Variants in CYP7B1 observed in about 807,000 individuals in gnomAD.
CYP7B1 encodes cytochrome P450 family 7 subfamily B member 1.
In CYP7B1, 29 loss-of-function variants were observed where a neutral mutation model predicts 42.7. That is an observed-to-expected ratio of 0.68 (90% CI 0.51 to 0.93). The LOEUF is 0.93. Among genes scored for constraint, CYP7B1 ranks in the 40% least tolerant of loss-of-function variants. The probability of loss-of-function intolerance (pLI) is 0.00; values close to 1 mark genes in which losing one functional copy is unlikely to be tolerated. For synonymous variants in CYP7B1, 235 were observed against 218.2 expected (o/e 1.08, Z -0.68); for missense variants, 655 against 600.5 (o/e 1.09, Z -0.95).
chr8:64,619,040 C>A (rs1805490524), intron 2 of CYP7B1, among the ~76,000 whole-genome samples: 1 of 152,104 alleles, frequency 6.6e-6, no homozygotes, highest in African/African-American at 2.4e-5. Flanking sequence ...GTACTAATAA[C>A]CCTGGAGATG....
Position 64,741,708 on chromosome 8 carries a change from C to A in CYP7B1, c.122+56758G>T, listed in dbSNP as rs567490244. Reference sequence around the variant, plus strand: ...AGGAAATTACTCTCATACATACCAGCAGTAAAATTGGAGTTTGAATTGAAA... The same window carrying A: ...AGGAAATTACTCTCATACATACCAGAAGTAAAATTGGAGTTTGAATTGAAA... On this transcript the variant is annotated intron_variant, in intron 1 of 5. Transcript: ENST00000310193. Among the ~76,000 whole-genome samples, 5 of 152,274 alleles carry A rather than the reference C, an allele frequency of 3.3e-5. No individual in the cohort carries two copies. The South Asian group carries it at 1.0e-3, about 32-fold the overall frequency.
chr8:64,797,651 T>C (rs1353410161), intron 1 of CYP7B1, among the ~76,000 whole-genome samples: 1 of 152,168 alleles, frequency 6.6e-6, no homozygotes, highest in East Asian at 1.9e-4. Context: ...CACATAGATA[T>C]CTATACATTG....
chr8:64,628,990 G>A (rs1190993787), intron 1 of CYP7B1, among the ~76,000 whole-genome samples: 1 of 152,188 alleles, frequency 6.6e-6, no homozygotes, highest in Non-Finnish European at 1.5e-5. Context: ...CACTTTGGGA[G>A]GCTGAGGTGG....
intron 1 of CYP7B1, among the ~76,000 whole-genome samples, chr8:64,673,710 AC>A (rs1324348074): frequency 6.6e-6 from 1 of 152,090 alleles, no homozygotes; most frequent in Non-Finnish European, 1.5e-5. Flanking sequence ...TGAGTTCTTA[AC>A]CATAATAAAC....
intron 1 of CYP7B1, among the ~76,000 whole-genome samples, chr8:64,713,336 T>A (rs181009213): frequency 1.5e-4 from 22 of 150,748 alleles, no homozygotes; most frequent in African/African-American, 5.3e-4. Context: ...CAATAAAAAG[T>A]TATCAGGCAA....
At chr8:64,796,505 C>A (rs1011039693) in intron 1 of CYP7B1, among the ~76,000 whole-genome samples, 1 of 152,164 alleles carries the variant, frequency 6.6e-6, no homozygotes, top group African/African-American at 2.4e-5. Context: ...GAAATTGGCA[C>A]TTGCACTACA....
At chr8:64,648,786 T>G (rs113422657) in intron 1 of CYP7B1, among the ~76,000 whole-genome samples, 2 of 152,186 alleles carry the variant, frequency 1.3e-5, no homozygotes, top group East Asian at 1.9e-4. Context: ...AAATGCATAT[T>G]GTAATTTCTG....
At chr8:64,757,210 G>C (rs1395239082) in intron 1 of CYP7B1, among the ~76,000 whole-genome samples, 1 of 152,202 alleles carries the variant, frequency 6.6e-6, no homozygotes, top group African/African-American at 2.4e-5. Context: ...CTCTGTAGCA[G>C]TAGTCTCAGA....
intron 1 of CYP7B1, among the ~76,000 whole-genome samples, chr8:64,654,668 C>T (rs1023420638): frequency 6.6e-6 from 1 of 152,160 alleles, no homozygotes; most frequent in Admixed American, 6.6e-5. Flanking sequence ...CTAGAGAAAA[C>T]TATTTTTAAA....
At chr8:64,716,339 T>G (rs1016140068) in intron 1 of CYP7B1, among the ~76,000 whole-genome samples, 6 of 152,244 alleles carry the variant, frequency 3.9e-5, no homozygotes, top group African/African-American at 1.4e-4. Context: ...TCATAGTTTT[T>G]ATCCAAGAAG....
At chr8:64,588,775 C>A (rs547088617), downstream of CYP7B1, among the ~76,000 whole-genome samples, 3 of 152,316 alleles carry the variant, frequency 2.0e-5, no homozygotes, top group South Asian at 6.2e-4. Flanking sequence ...GTACTATGGT[C>A]AAAATTCAGA....
At chr8:64,641,259 C>T (rs905031425) in intron 1 of CYP7B1, among the ~76,000 whole-genome samples, 1 of 152,140 alleles carries the variant, frequency 6.6e-6, no homozygotes, top group Non-Finnish European at 1.5e-5. Context: ...TTTTCTCCAC[C>T]TCCAGATTCC....
intron 4 of CYP7B1, among the ~76,000 whole-genome samples, chr8:64,606,434 A>G (rs527345048): frequency 6.6e-6 from 1 of 152,334 alleles, no homozygotes; most frequent in South Asian, 2.1e-4. Flanking sequence ...TAGCTGACAT[A>G]TGTAGCAATG....
chr8:64,777,376 A>G (rs1235470216), intron 1 of CYP7B1, among the ~76,000 whole-genome samples: 4 of 152,098 alleles, frequency 2.6e-5, no homozygotes, highest in African/African-American at 9.7e-5. Context: ...AAATATGCTC[A>G]AGCCTCAGCT....
Position 64,624,385 on chromosome 8 carries a change from A to G in CYP7B1, c.259+18T>C. 6.2e-7 allele frequency: 1 copy of G among 1,612,624 alleles called. No homozygotes were observed. Among genetic ancestry groups the G allele is most frequent in the African/African-American group, 1.3e-5 (1 of 75,010 alleles). On this transcript the variant is annotated intron_variant, in intron 2 of 5. Transcript: ENST00000310193. ...AAAATGATGACATATATAAGGTATT[A>G]ATAGAAGTGCTTCTTACCACCAAGA...
At chr8:64,613,618 T>C (rs1432250903) in intron 4 of CYP7B1, among the ~76,000 whole-genome samples, 2 of 152,158 alleles carry the variant, frequency 1.3e-5, no homozygotes, top group Non-Finnish European at 2.9e-5. Context: ...CCCAAAATTT[T>C]ACACAAATTT....
intron 1 of CYP7B1, among the ~76,000 whole-genome samples, chr8:64,749,052 T>C (rs78259801): frequency 0.015 from 2,332 of 152,124 alleles, 71 homozygotes; most frequent in African/African-American, 0.051. Context: ...ATCATCACAT[T>C]TGGTTTTCTT....
intron 1 of CYP7B1, among the ~76,000 whole-genome samples, chr8:64,717,800 T>A (rs1220558235): frequency 6.6e-6 from 1 of 151,540 alleles, no homozygotes; most frequent in Non-Finnish European, 1.5e-5. Flanking sequence ...TAAGGTGAGA[T>A]TGCACCACTG....
At chr8:64,685,410 A>G (rs1272824173) in intron 1 of CYP7B1, among the ~76,000 whole-genome samples, 4 of 84,830 alleles carry the variant, frequency 4.7e-5, no homozygotes, top group African/African-American at 1.9e-4. Flanking sequence ...CATCCCATCT[A>G]GGAAGTGAGG....
Sources: gnomAD v4.1 joint callset for allele counts (sites outside exome capture counted in the v4.1 genomes callset) on GRCh38, gnomAD v4.1.1 for gene constraint, MANE v1.5 for transcripts, NCBI Gene and HGNC (gene_info 2026-07-23, HGNC 2026-07-21) for gene names.